Variants in KCNQ3 observed in about 807,000 individuals in gnomAD.
The protein encoded by KCNQ3 is potassium voltage-gated channel subfamily Q member 3.
In KCNQ3, 30 loss-of-function variants were observed where a neutral mutation model predicts 92.5. The observed-to-expected ratio is 0.32, with a 90% CI of 0.24 to 0.44. The LOEUF is 0.44. Ranked by LOEUF, KCNQ3 falls within the 20% of genes least tolerant of loss-of-function variation. The pLI is 1.00. For synonymous variants in KCNQ3, 450 were observed against 468.8 expected, an observed-to-expected ratio of 0.96 and a Z score of 0.52; for missense variants, 913 against 1,140.3, an observed-to-expected ratio of 0.80 and a Z score of 2.87.
intron 1 of KCNQ3, among the ~76,000 whole-genome samples, chr8:132,477,041 T>C (rs1206455636): frequency 6.6e-6 from 1 of 152,102 alleles, no homozygotes; most frequent in Non-Finnish European, 1.5e-5. Flanking sequence ...TTTGTTCTCT[T>C]TTTCCTGCCA....
intron 1 of KCNQ3, chr8:132,278,332 A>G (rs931430160): frequency 6.8e-6 from 3 of 443,266 alleles, no homozygotes; most frequent in Non-Finnish European, 6.0e-6. Context: ...AATGAAAAGA[A>G]AGAAACAAGA....
chr8:132,235,711 C>G (rs1412876999), intron 1 of KCNQ3, among the ~76,000 whole-genome samples: 1 of 152,224 alleles, frequency 6.6e-6, no homozygotes, highest in Non-Finnish European at 1.5e-5. Flanking sequence ...CCTCCCAGGT[C>G]GGAACGTCTG....
chr8:132,453,692 T>C (rs1448955394), intron 1 of KCNQ3, among the ~76,000 whole-genome samples: 1 of 152,034 alleles, frequency 6.6e-6, no homozygotes, highest in Non-Finnish European at 1.5e-5. Flanking sequence ...TTTTATCATC[T>C]CTGAGCACAA....
At chr8:132,225,951 T>C (rs1324043280) in intron 1 of KCNQ3, among the ~76,000 whole-genome samples, 1 of 152,196 alleles carries the variant, frequency 6.6e-6, no homozygotes, top group African/African-American at 2.4e-5. Flanking sequence ...TACTTTGAGA[T>C]TCTGCATTCT....
intron 1 of KCNQ3, among the ~76,000 whole-genome samples, chr8:132,286,368 T>G (rs924025288): frequency 1.3e-5 from 2 of 152,218 alleles, no homozygotes; most frequent in African/African-American, 4.8e-5. Context: ...GAAAGATTAT[T>G]TGAGGCCTTT....
intron 1 of KCNQ3, among the ~76,000 whole-genome samples, chr8:132,219,964 CTG>C (rs1814167377): frequency 6.6e-6 from 1 of 152,114 alleles, no homozygotes; most frequent in South Asian, 2.1e-4. Context: ...AGAAAGATAA[CTG>C]TGGCGTGAGC....
chr8:132,474,796 C>A lies in KCNQ3; in HGVS notation c.386+5351G>T, dbSNP rs1010421868. On this transcript the variant is annotated intron_variant, in intron 1 of 14. Transcript: ENST00000388996. ...CAGACAAGCAGAGATCAATCAAATGCGAGGTACAAAATTCTATGCCTGGGG... is the reference window on the plus strand; with the variant it reads ...CAGACAAGCAGAGATCAATCAAATGAGAGGTACAAAATTCTATGCCTGGGG... Among the ~76,000 whole-genome samples the A allele has an allele frequency of 3.3e-5, 5 of 152,120 alleles. No individual in the cohort carries two copies. In the East Asian group the frequency reaches 5.8e-4, roughly 18 times the overall value.
chr8:132,280,385 C>T (rs1487497273), intron 1 of KCNQ3, among the ~76,000 whole-genome samples: 1 of 152,176 alleles, frequency 6.6e-6, no homozygotes, highest in Non-Finnish European at 1.5e-5. Context: ...AGCTTTTACT[C>T]ACGGCAGAAA....
At chr8:132,433,245 T>C (rs974400542) in intron 1 of KCNQ3, among the ~76,000 whole-genome samples, 1 of 152,134 alleles carries the variant, frequency 6.6e-6, no homozygotes, top group Non-Finnish European at 1.5e-5. Flanking sequence ...ATCTGGATCA[T>C]TAGCCCCTCC....
At chr8:132,136,231 G>T (rs759045503) in intron 12 of KCNQ3, among the ~76,000 whole-genome samples, 1 of 150,594 alleles carries the variant, frequency 6.6e-6, no homozygotes, top group South Asian at 2.1e-4. Flanking sequence ...TGATGTTCCT[G>T]TTCTCTAGCA....
chr8:132,297,147 T>C (rs1265593917), intron 1 of KCNQ3, among the ~76,000 whole-genome samples: 1 of 152,256 alleles, frequency 6.6e-6, no homozygotes, highest in East Asian at 1.9e-4. Flanking sequence ...CCAGTGATGA[T>C]GAGCATTTTT....
At chr8:132,331,845 G>C (rs1403803760) in intron 1 of KCNQ3, among the ~76,000 whole-genome samples, 1 of 152,238 alleles carries the variant, frequency 6.6e-6, no homozygotes, top group African/African-American at 2.4e-5. Context: ...GGCTGAAGAT[G>C]AAGAGTGACT....
intron 1 of KCNQ3, among the ~76,000 whole-genome samples, chr8:132,215,606 CG>C: frequency 6.6e-6 from 1 of 152,174 alleles, no homozygotes; most frequent in East Asian, 1.9e-4. Flanking sequence ...CTGTTTCCCA[CG>C]CTTCTGCCTC....
At chr8:132,173,448 T>C (rs1405441725) in intron 6 of KCNQ3, among the ~76,000 whole-genome samples, 2 of 152,244 alleles carry the variant, frequency 1.3e-5, no homozygotes, top group African/African-American at 4.8e-5. Context: ...ACTTAAAAGT[T>C]TTTTTCAAGC....
chr8:132,477,366 G>T (rs1004213595), intron 1 of KCNQ3, among the ~76,000 whole-genome samples: 4 of 129,472 alleles, frequency 3.1e-5, no homozygotes, highest in South Asian at 2.4e-4. Flanking sequence ...AAAAAAAAAA[G>T]CATCCACTAG....
At chr8:132,432,201 T>C (rs1185879502) in intron 1 of KCNQ3, among the ~76,000 whole-genome samples, 1 of 152,132 alleles carries the variant, frequency 6.6e-6, no homozygotes, top group African/African-American at 2.4e-5. Context: ...TGGGATGGGA[T>C]GGGGCACTTG....
chr8:132,221,598 C>A (rs1173431619), intron 1 of KCNQ3, among the ~76,000 whole-genome samples: 2 of 152,148 alleles, frequency 1.3e-5, no homozygotes, highest in Admixed American at 6.5e-5. Context: ...GTGTCTGTTG[C>A]CTGCATAAAT....
chr8:132,261,179 A>G (rs1418939977), intron 1 of KCNQ3, among the ~76,000 whole-genome samples: 1 of 152,200 alleles, frequency 6.6e-6, no homozygotes, highest in African/African-American at 2.4e-5. Flanking sequence ...TGGCATTGAG[A>G]AAAGTAGGGC....
chr8:132,131,562 G>T (rs1320190800), intron 14 of KCNQ3, among the ~76,000 whole-genome samples: 1 of 152,096 alleles, frequency 6.6e-6, no homozygotes, highest in East Asian at 1.9e-4. Flanking sequence ...CTTGATAATT[G>T]TAGCTATTAT....
Sources: gnomAD v4.1 joint callset for allele counts (sites outside exome capture counted in the v4.1 genomes callset) on GRCh38, gnomAD v4.1.1 for gene constraint, MANE v1.5 for transcripts, NCBI Gene and HGNC (gene_info 2026-07-23, HGNC 2026-07-21) for gene names.